The following P2RY14 variants were observed in gnomAD, a reference collection of about 807,000 sequenced individuals.
The protein encoded by P2RY14 is P2Y purinoceptor 14.
In P2RY14, 2 loss-of-function variants were observed where a neutral mutation model predicts 0.9. That is an observed-to-expected ratio of 2.16 (90% CI 0.88 to 6.79). P2RY14 has a LOEUF of 6.79. Among genes scored for constraint, P2RY14 ranks in the 30% most tolerant of loss-of-function variants. The pLI is 0.05. For synonymous variants in P2RY14, 158 were observed against 147.2 expected (o/e 1.07, Z -0.53); for missense variants, 378 against 400.1 (o/e 0.94, Z 0.47).
Position 151,278,365 on chromosome 3 carries a change from C to A in P2RY14, c.-211G>T, listed in dbSNP as rs1026644136. 1 of 152,170 alleles carries A rather than the reference C, an allele frequency of 6.6e-6. No individual in the cohort carries two copies. Among genetic ancestry groups the A allele is most frequent in the Admixed American group, 6.5e-5 (1 of 15,282 alleles). The allele number at this position is 152,170 out of a possible 1,614,324, so 9.4% of individuals were successfully genotyped here. ...TCTCATTGTAGGCTCCAAGGTAACACTGTTACAGAGTTCTTGCTCATCTTC... is the reference window on the plus strand; with the variant it reads ...TCTCATTGTAGGCTCCAAGGTAACAATGTTACAGAGTTCTTGCTCATCTTC... On this transcript the variant is annotated 5_prime_UTR_variant, in exon 1 of 3. Transcript: ENST00000309170.
At chr3:151,268,404 C>T (rs938522596) in intron 1 of P2RY14, among the ~76,000 whole-genome samples, 1 of 152,148 alleles carries the variant, frequency 6.6e-6, no homozygotes, top group Non-Finnish European at 1.5e-5. Flanking sequence ...GCATACTGCT[C>T]TCCATTTTCT....
chr3:151,276,023 G>T (rs1032290084), intron 1 of P2RY14, among the ~76,000 whole-genome samples: 7 of 152,170 alleles, frequency 4.6e-5, no homozygotes, highest in Admixed American at 4.6e-4. Flanking sequence ...AACTGGCAGG[G>T]TGATCATATT....
At position 151,212,588 on chromosome 3, in the gene P2RY14, T is replaced by C. The variant is rs886973485; in HGVS notation, c.*712A>G. ...CAGTAAAGCCTACTTAAAAATATTCTAACACCAGAACCCCAGGCTCATTAA... is the reference window on the plus strand; with the variant it reads ...CAGTAAAGCCTACTTAAAAATATTCCAACACCAGAACCCCAGGCTCATTAA... On this transcript the variant is annotated 3_prime_UTR_variant, in exon 3 of 3. Coordinates refer to ENST00000309170, the MANE Select transcript of P2RY14 (RefSeq NM_014879.4). 1.3e-5 allele frequency: 2 copies of C among 152,136 alleles called. No homozygotes were observed. Among genetic ancestry groups the C allele is most frequent in the Non-Finnish European group, 2.9e-5 (2 of 68,018 alleles). 9.4% of individuals were successfully genotyped at this position (152,136 alleles called of 1,614,324 possible). A position where few individuals can be genotyped will look rare whatever the true frequency, so the allele number is the denominator to read the frequency against.
intron 1 of P2RY14, among the ~76,000 whole-genome samples, chr3:151,222,743 A>G (rs2149275029): frequency 6.6e-6 from 1 of 152,326 alleles, no homozygotes; most frequent in East Asian, 1.9e-4. Flanking sequence ...CTGCTGGTCC[A>G]TGTACCACTC....
intron 1 of P2RY14, among the ~76,000 whole-genome samples, chr3:151,247,962 C>CTTCTTTTT (rs1314747790): frequency 6.6e-5 from 5 of 75,902 alleles, no homozygotes; most frequent in African/African-American, 2.7e-4. Flanking sequence ...TCTTCTTCTT[C>CTTCTTTTT]TTTTTTTTTT....
chr3:151,229,714 C>T (rs1289572676), intron 1 of P2RY14, among the ~76,000 whole-genome samples: 1 of 152,052 alleles, frequency 6.6e-6, no homozygotes, highest in African/African-American at 2.4e-5. Context: ...ATCCGCCTGC[C>T]TCGGCCTCCC....
chr3:151,231,755 T>C (rs1417255335), intron 1 of P2RY14, among the ~76,000 whole-genome samples: 3 of 152,200 alleles, frequency 2.0e-5, no homozygotes, highest in Non-Finnish European at 4.4e-5. Context: ...ATACAGATTC[T>C]AGATTAGGTA....
intron 1 of P2RY14, among the ~76,000 whole-genome samples, chr3:151,275,006 C>T (rs1741613322): frequency 6.6e-6 from 1 of 152,146 alleles, no homozygotes; most frequent in Non-Finnish European, 1.5e-5. Flanking sequence ...GCTCTCCTAC[C>T]AACCTTTGAC....
At chr3:151,262,161 C>T (rs1739038430) in intron 1 of P2RY14, among the ~76,000 whole-genome samples, 1 of 152,208 alleles carries the variant, frequency 6.6e-6, no homozygotes, top group South Asian at 2.1e-4. Context: ...TGTACAGACA[C>T]ATTTTATACA....
At chr3:151,269,746 C>G (rs1740526846) in intron 1 of P2RY14, 13 of 417,476 alleles carry the variant, frequency 3.1e-5, no homozygotes, top group South Asian at 2.4e-4. Context: ...CAAGGAATTT[C>G]ATCTGAATGA....
chr3:151,247,627 G>T, intron 1 of P2RY14, among the ~76,000 whole-genome samples: 1 of 131,812 alleles, frequency 7.6e-6, no homozygotes, highest in East Asian at 2.7e-4. Flanking sequence ...TCGGGGAGGG[G>T]GGAGGGATAG....
In P2RY14 at chr3:151,235,787, G is replaced by C. The variant is rs954969223; in HGVS notation, c.-132-16145C>G. Among the ~76,000 whole-genome samples the C allele has an allele frequency of 2.6e-5, 4 of 152,066 alleles. No individual in the cohort carries two copies. In the East Asian group the frequency reaches 7.7e-4, roughly 29 times the overall value. On this transcript the variant is annotated intron_variant, in intron 1 of 2. Transcript: ENST00000309170. ...CTTCTGCCTGTGATTGTCAGTCTCT[G>C]GTACCTTTGTGTGGCTGCCACATGC...
intron 1 of P2RY14, among the ~76,000 whole-genome samples, chr3:151,277,520 C>T (rs1356367238): frequency 2.0e-4 from 30 of 151,886 alleles, no homozygotes; most frequent in Admixed American, 2.0e-3. Flanking sequence ...TTCATTTTCT[C>T]CGTAGGATTG....
chr3:151,250,021 CAAAGCTCTCCCTT>C (rs1157757608), intron 1 of P2RY14, among the ~76,000 whole-genome samples: 1 of 152,160 alleles, frequency 6.6e-6, no homozygotes, highest in African/African-American at 2.4e-5. Flanking sequence ...CGAAAACCCT[CAAAGCTCTCCCTT>C]AAATGTGAAT....
chr3:151,227,998 T>C (rs575935208), intron 1 of P2RY14, among the ~76,000 whole-genome samples: 1 of 152,314 alleles, frequency 6.6e-6, no homozygotes, highest in African/African-American at 2.4e-5. Context: ...GACCCCTTAA[T>C]GGTAGGTATG....
At chr3:151,266,062 A>G (rs1577176329) in intron 1 of P2RY14, among the ~76,000 whole-genome samples, 2 of 152,212 alleles carry the variant, frequency 1.3e-5, no homozygotes, top group East Asian at 1.9e-4. Flanking sequence ...GGCAGTGTGC[A>G]CAGGTGCCCT....
Position 151,221,568 on chromosome 3 carries a change from G to C in P2RY14, c.-132-1926C>G, listed in dbSNP as rs532438477. ...CAGCCACTCTAGTGTGGCTGAAAGG[G>C]GCCCTTGTAGAGCTCAGGTCATGGC... On this transcript the variant is annotated intron_variant, in intron 1 of 2. Transcript: ENST00000309170. Among the ~76,000 whole-genome samples, 16 of 152,266 alleles carry C rather than the reference G, an allele frequency of 1.1e-4. No homozygotes were observed. In the East Asian group the frequency reaches 3.1e-3, roughly 29 times the overall value.
At chr3:151,270,134 A>G (rs1314162831) in intron 1 of P2RY14, 2 of 240,626 alleles carry the variant, frequency 8.3e-6, no homozygotes, top group Non-Finnish European at 1.6e-5. Context: ...AAAATGACTA[A>G]TAGAACACTG....
At chr3:151,246,464 C>A (rs926008317) in intron 1 of P2RY14, among the ~76,000 whole-genome samples, 1 of 151,996 alleles carries the variant, frequency 6.6e-6, no homozygotes, top group African/African-American at 2.4e-5. Flanking sequence ...AGAAATAACG[C>A]CGCATATCTA....
Sources: gnomAD v4.1 joint callset for allele counts (sites outside exome capture counted in the v4.1 genomes callset) on GRCh38, gnomAD v4.1.1 for gene constraint, MANE v1.5 for transcripts, NCBI Gene and HGNC (gene_info 2026-07-23, HGNC 2026-07-21) for gene names.